GATB: variants seen among roughly 807,000 people sequenced by gnomAD.
GATB encodes glutamyl-tRNA(Gln) amidotransferase subunit B, mitochondrial.
In GATB, 39 loss-of-function variants were observed where a neutral mutation model predicts 62.3. That is an observed-to-expected ratio of 0.63 (90% confidence interval 0.48 to 0.82). The LOEUF (loss-of-function observed/expected upper bound fraction) is 0.82. Ranked by LOEUF, GATB falls within the 40% of genes least tolerant of loss-of-function variation. The pLI is 0.00. For synonymous variants in GATB, 276 were observed against 258.9 expected, an observed-to-expected ratio of 1.07 and a Z score of -0.63; for missense variants, 670 against 684.0, an observed-to-expected ratio of 0.98 and a Z score of 0.23.
In GATB at chr4:151,708,204, G is replaced by C. The variant is rs1229024518; in HGVS notation, c.764-103C>G. 4 of 750,876 alleles carry C rather than the reference G, an allele frequency of 5.3e-6. No individual in the cohort carries two copies. The African/African-American group carries it at 7.0e-5, about 13-fold the overall frequency. 46.5% of individuals were successfully genotyped at this position (750,876 alleles called of 1,614,324 possible). On this transcript the variant is annotated intron_variant, in intron 5 of 12. Coordinates refer to ENST00000263985, the MANE Select transcript of GATB (RefSeq NM_004564.3). Reference sequence around the variant, plus strand: ...GAAGCAGCATCTAACTCTACCTGCTGTTTAGTTATAGCAGCCTAACTTCAG... The same window carrying C: ...GAAGCAGCATCTAACTCTACCTGCTCTTTAGTTATAGCAGCCTAACTTCAG...
chr4:151,681,063 T>C (rs1738128211), intron 10 of GATB, among the ~76,000 whole-genome samples: 2 of 152,222 alleles, frequency 1.3e-5, no homozygotes, highest in African/African-American at 2.4e-5. Flanking sequence ...CTTGAAAACA[T>C]CTTCTATTTA....
intron 5 of GATB, among the ~76,000 whole-genome samples, chr4:151,711,892 G>A (rs543183678): frequency 4.6e-5 from 7 of 152,246 alleles, no homozygotes; most frequent in South Asian, 4.2e-4. Flanking sequence ...CTAGGTTCCC[G>A]GTAAGTTCTA....
intron 3 of GATB, among the ~76,000 whole-genome samples, chr4:151,717,513 T>G (rs1738938299): frequency 6.6e-6 from 1 of 152,210 alleles, no homozygotes; most frequent in South Asian, 2.1e-4. Flanking sequence ...TGCCATCTAC[T>G]CTCCACACGG....
intron 9 of GATB, among the ~76,000 whole-genome samples, chr4:151,700,600 T>C (rs772739913): frequency 2.0e-5 from 3 of 152,334 alleles, no homozygotes; most frequent in Non-Finnish European, 2.9e-5. Flanking sequence ...GTGTGGCATA[T>C]ACTGATTCCC....
intron 5 of GATB, among the ~76,000 whole-genome samples, chr4:151,713,278 C>A (rs116809869): frequency 6.6e-6 from 1 of 152,126 alleles, no homozygotes; most frequent in African/African-American, 2.4e-5. Context: ...ATAAAGCAGA[C>A]GATCAATGTA....
intron 5 of GATB, 82 bp downstream of exon 5, chr4:151,715,927 C>A (rs1738903517): frequency 9.4e-6 from 14 of 1,482,520 alleles, no homozygotes; most frequent in Non-Finnish European, 1.2e-5. Flanking sequence ...ATATAATAGA[C>A]AGAAAATAAA....
intron 2 of GATB, among the ~76,000 whole-genome samples, chr4:151,752,419 C>A (rs918713440): frequency 6.6e-6 from 1 of 152,076 alleles, no homozygotes; most frequent in African/African-American, 2.4e-5. Context: ...TTTCACGAGT[C>A]TCTTATTAAT....
chr4:151,733,274 CG>C (rs1407238870), intron 2 of GATB, among the ~76,000 whole-genome samples: 1 of 151,908 alleles, frequency 6.6e-6, no homozygotes, highest in Non-Finnish European at 1.5e-5. Context: ...CACTGAGAAA[CG>C]AAACAGGAGA....
intron 2 of GATB, among the ~76,000 whole-genome samples, chr4:151,735,304 G>A (rs1478135372): frequency 1.4e-5 from 2 of 147,906 alleles, no homozygotes; most frequent in Admixed American, 1.3e-4. Context: ...ATTCTCAAAA[G>A]AAGATATACA....
intron 9 of GATB, among the ~76,000 whole-genome samples, chr4:151,692,192 G>A (rs568158350): frequency 3.0e-4 from 45 of 152,258 alleles, no homozygotes; most frequent in Middle Eastern, 6.8e-3. Flanking sequence ...ATGAGGACAC[G>A]AGGCACTAGC....
intron 11 of GATB, among the ~76,000 whole-genome samples, chr4:151,677,147 AG>A (rs1230646428): frequency 6.6e-6 from 1 of 152,224 alleles, no homozygotes; most frequent in Non-Finnish European, 1.5e-5. Flanking sequence ...AATAACCAGT[AG>A]GATCAGAGAG....
At chr4:151,700,094 G>C (rs1366806155) in intron 9 of GATB, among the ~76,000 whole-genome samples, 1 of 152,180 alleles carries the variant, frequency 6.6e-6, no homozygotes, top group Non-Finnish European at 1.5e-5. Flanking sequence ...ACGTAGTTTT[G>C]TTACGTCAAC....
intron 8 of GATB, 71 bp from the exon 9 acceptor site, chr4:151,701,589 G>A: frequency 9.1e-7 from 1 of 1,094,898 alleles, no homozygotes; most frequent in South Asian, 2.6e-5. Context: ...ACCTCCCCCA[G>A]TAATATGAAT....
At chr4:151,712,555 T>C (rs1432210592) in intron 5 of GATB, among the ~76,000 whole-genome samples, 2 of 152,202 alleles carry the variant, frequency 1.3e-5, no homozygotes, top group East Asian at 3.9e-4. Flanking sequence ...GAAAACTGTT[T>C]CTGCAAACAG....
intron 2 of GATB, among the ~76,000 whole-genome samples, chr4:151,758,353 T>C (rs187522073): frequency 9.8e-5 from 15 of 152,334 alleles, no homozygotes; most frequent in Non-Finnish European, 1.8e-4. Context: ...CAGTCCTTTC[T>C]TTTACTGAAT....
intron 4 of GATB, 31 bp from the exon 5 acceptor site, chr4:151,716,162 G>A: frequency 6.3e-7 from 1 of 1,589,448 alleles, no homozygotes; most frequent in Non-Finnish European, 8.6e-7. Flanking sequence ...CAGCCTCACT[G>A]CAGCTCTCCA....
intron 2 of GATB, among the ~76,000 whole-genome samples, chr4:151,746,094 T>A (rs1739588787): frequency 6.6e-6 from 1 of 152,254 alleles, no homozygotes; most frequent in African/African-American, 2.4e-5. Context: ...TGAGCATTCC[T>A]ACCAGCCAGC....
At chr4:151,750,304 T>C (rs533775746) in intron 2 of GATB, among the ~76,000 whole-genome samples, 1 of 152,316 alleles carries the variant, frequency 6.6e-6, no homozygotes, top group East Asian at 1.9e-4. Flanking sequence ...AGCAACCACC[T>C]TCAGATCTTT....
In GATB at chr4:151,671,238, G is replaced by A. The variant is rs752049629; in HGVS notation, c.1610C>T (p.Ala537Val). The A allele has an allele frequency of 2.5e-6, 4 of 1,613,982 alleles. No individual in the cohort carries two copies. The highest frequency in any genetic ancestry group is 1.3e-5 in the African/African-American group (1 of 75,018). The change falls in exon 13 of 13, where the codon GCG (alanine) becomes GTG (valine). Residue 537 changes from alanine to valine, a missense_variant. Transcript: ENST00000263985. ...INKLIGLVRK[A>V]TQSRADPVMI... ...GACTGGATCTGCTCGGCTTTGAGTC[G>A]CTTTCCGGACCAACCCAATCAGTTT...
Sources: allele counts gnomAD v4.1 joint callset (sites outside exome capture counted in the v4.1 genomes callset), GRCh38; gene constraint gnomAD v4.1.1; transcripts MANE v1.5; gene names NCBI Gene and HGNC (gene_info 2026-07-23, HGNC 2026-07-21).